Variants in HECW1 observed in about 807,000 individuals in gnomAD.
The protein encoded by HECW1 is HECT, C2 and WW domain containing E3 ubiquitin protein ligase 1, also known as E3 ubiquitin-protein ligase HECW1.
A neutral mutation model predicts 182.3 loss-of-function variants in HECW1; 61 were observed. That is an observed-to-expected ratio of 0.33 (90% confidence interval 0.27 to 0.41). The LOEUF (loss-of-function observed/expected upper bound fraction) is 0.41, where lower values mean the gene tolerates loss of function less well. Ranked by LOEUF, HECW1 falls within the 10% of genes least tolerant of loss-of-function variation. The pLI is 1.00. For synonymous variants in HECW1, 859 were observed against 832.6 expected, an observed-to-expected ratio of 1.03 and a Z score of -0.55; for missense variants, 1,739 against 2,108.9, an observed-to-expected ratio of 0.82 and a Z score of 3.44.
chr7:43,337,019 C>A (rs899013468), intron 5 of HECW1, among the ~76,000 whole-genome samples: 4 of 152,142 alleles, frequency 2.6e-5, no homozygotes, highest in Admixed American at 1.3e-4. Context: ...GTGCAGATGT[C>A]TTTTTAATTA....
chr7:43,470,456 T>A (rs2077974043), intron 16 of HECW1, among the ~76,000 whole-genome samples: 1 of 152,092 alleles, frequency 6.6e-6, no homozygotes, highest in South Asian at 2.1e-4. Flanking sequence ...GGGAGCACAG[T>A]GGAATGACAA....
At chr7:43,477,159 T>C (rs1185189537) in intron 16 of HECW1, among the ~76,000 whole-genome samples, 1 of 152,146 alleles carries the variant, frequency 6.6e-6, no homozygotes, top group Non-Finnish European at 1.5e-5. Flanking sequence ...TTTCTAAGAG[T>C]TCTTTCAAAA....
In HECW1 at chr7:43,488,394, G is replaced by GA. The variant is rs1563045272; in HGVS notation, c.3235-3681_3235-3680insA. ...AGGAAGGAAGGAAGGAAGGAAGGAA[G>GA]GAAGGAAATGAAAGAAAGAGAGAGA... On this transcript the variant is annotated intron_variant, in intron 17 of 29. Coordinates refer to ENST00000395891, the MANE Select transcript of HECW1 (RefSeq NM_015052.5). 1.3e-3 allele frequency among the ~76,000 whole-genome samples: 90 copies of GA among 71,786 alleles called. 3 individuals carry two copies. The highest frequency in any genetic ancestry group is 2.0e-3 in the Non-Finnish European group (73 of 35,662). The allele number at this position is 71,786 out of a possible 152,430, so 47.1% of individuals were successfully genotyped here.
intron 3 of HECW1, among the ~76,000 whole-genome samples, chr7:43,251,877 A>T (rs1007882320): frequency 6.6e-6 from 1 of 152,158 alleles, no homozygotes; most frequent in Non-Finnish European, 1.5e-5. Flanking sequence ...GTAGAATGCT[A>T]TTACCTGACA....
intron 2 of HECW1, among the ~76,000 whole-genome samples, chr7:43,231,861 CA>C (rs534989671): frequency 0.029 from 4,172 of 144,176 alleles, 180 homozygotes; most frequent in African/African-American, 0.085. Context: ...CTAAAAAATA[CA>C]AAAAAAAAAA....
intron 26 of HECW1, 98 bp from the exon 27 acceptor site, chr7:43,550,347 A>T: frequency 7.6e-7 from 1 of 1,309,696 alleles, no homozygotes; most frequent in Non-Finnish European, 1.1e-6. Flanking sequence ...TGCCCTGTAG[A>T]GGATTTTTGG....
intron 5 of HECW1, among the ~76,000 whole-genome samples, chr7:43,349,852 T>C (rs1814181924): frequency 6.6e-6 from 1 of 152,232 alleles, no homozygotes; most frequent in African/African-American, 2.4e-5. Context: ...ACATTCAATG[T>C]AAGTATCGAA....
At chr7:43,246,256 T>G (rs1799371518) in intron 3 of HECW1, among the ~76,000 whole-genome samples, 1 of 152,168 alleles carries the variant, frequency 6.6e-6, no homozygotes. Flanking sequence ...TGAGCTAATA[T>G]GGCACCACTG....
At chr7:43,322,038 A>C (rs778199314) in intron 5 of HECW1, among the ~76,000 whole-genome samples, 3 of 152,164 alleles carry the variant, frequency 2.0e-5, no homozygotes, top group Non-Finnish European at 2.9e-5. Context: ...CTTGTGTTTG[A>C]GATAGGCATA....
chr7:43,529,627 C>T (rs1019990326), intron 24 of HECW1, among the ~76,000 whole-genome samples: 3 of 152,000 alleles, frequency 2.0e-5, no homozygotes, highest in African/African-American at 7.3e-5. Flanking sequence ...CTGAGGTGAC[C>T]ACTTCAATTT....
intron 3 of HECW1, among the ~76,000 whole-genome samples, chr7:43,296,384 C>T (rs1393919175): frequency 1.3e-5 from 2 of 152,168 alleles, no homozygotes; most frequent in Admixed American, 6.5e-5. Flanking sequence ...TTGGAATTTG[C>T]AGAGTGTGGC....
rs187723954 is a variant in HECW1, at chr7:43,470,413, G to A, written c.3099+1308G>A. 3.4e-3 allele frequency among the ~76,000 whole-genome samples: 520 copies of A among 152,304 alleles called. 1 individual carries two copies. Among genetic ancestry groups the A allele is most frequent in the African/African-American group, 0.012 (497 of 41,552 alleles). ...AGTTTGCCGAGCCTTGGATTTCCATGACTGCAGCTTTTGCACCAAGATAAG... is the reference window on the plus strand; with the variant it reads ...AGTTTGCCGAGCCTTGGATTTCCATAACTGCAGCTTTTGCACCAAGATAAG... On this transcript the variant is annotated intron_variant, in intron 16 of 29. Coordinates refer to ENST00000395891, the MANE Select transcript of HECW1 (RefSeq NM_015052.5).
intron 24 of HECW1, among the ~76,000 whole-genome samples, chr7:43,519,020 A>G (rs1377524327): frequency 6.6e-6 from 1 of 152,220 alleles, no homozygotes; most frequent in Non-Finnish European, 1.5e-5. Flanking sequence ...TCTCATAGAA[A>G]CAAAAGCACT....
intron 2 of HECW1, chr7:43,238,971 A>G (rs1026197898): frequency 3.3e-5 from 5 of 152,226 alleles, no homozygotes; most frequent in African/African-American, 1.2e-4. Flanking sequence ...AGTAAATTTT[A>G]TATCTCCTGA....
chr7:43,390,388 T>G (rs542736866), intron 6 of HECW1, among the ~76,000 whole-genome samples: 1 of 151,794 alleles, frequency 6.6e-6, no homozygotes, highest in Non-Finnish European at 1.5e-5. Flanking sequence ...AAAAATTTTT[T>G]TAATTTGCCA....
At chr7:43,331,975 C>T (rs1388532884) in intron 5 of HECW1, among the ~76,000 whole-genome samples, 3 of 152,098 alleles carry the variant, frequency 2.0e-5, no homozygotes, top group Non-Finnish European at 2.9e-5. Flanking sequence ...ACAGGACTTT[C>T]CTAGAAGCTC....
intron 3 of HECW1, among the ~76,000 whole-genome samples, chr7:43,298,264 A>G (rs1472651764): frequency 6.6e-6 from 1 of 152,202 alleles, no homozygotes; most frequent in Non-Finnish European, 1.5e-5. Flanking sequence ...ACTCCATAGA[A>G]TATTTGGAGT....
chr7:43,418,865 G>A (rs965583095), intron 8 of HECW1, among the ~76,000 whole-genome samples: 5 of 152,174 alleles, frequency 3.3e-5, no homozygotes, highest in African/African-American at 9.6e-5. Context: ...ATGATGTCTC[G>A]AGCATTGTTA....
Position 43,450,935 on chromosome 7 carries a change from C to A in HECW1, c.2500+6C>A. On this transcript the variant is annotated splice_donor_region_variant and intron_variant, in intron 12 of 29. Transcript: ENST00000395891. ...CGATGAGCCTCTTCCACCAAGTAAG[C>A]TTTAGTTTTTAAAATCTGTGTCTTA... The A allele has an allele frequency of 1.9e-6, 3 of 1,584,386 alleles. No individual in the cohort carries two copies. Among genetic ancestry groups the A allele is most frequent in the Non-Finnish European group, 2.6e-6 (3 of 1,153,302 alleles).
Sources: gnomAD v4.1 joint callset for allele counts (sites outside exome capture counted in the v4.1 genomes callset) on GRCh38, gnomAD v4.1.1 for gene constraint, MANE v1.5 for transcripts, NCBI Gene and HGNC (gene_info 2026-07-23, HGNC 2026-07-21) for gene names.